Variants in ZNRF1 observed in about 807,000 individuals in gnomAD.
ZNRF1 encodes the protein zinc and ring finger 1.
A neutral mutation model predicts 18.4 loss-of-function variants in ZNRF1; 3 were observed. The ratio of observed to expected loss-of-function variants is 0.16; its 90% CI spans 0.07 to 0.42. The LOEUF is 0.42. Among genes scored for constraint, ZNRF1 ranks in the 10% least tolerant of loss-of-function variants. The probability of loss-of-function intolerance (pLI) is 0.99; values close to 1 mark genes in which losing one functional copy is unlikely to be tolerated. For missense variants in ZNRF1, 310 were observed against 329.8 expected (o/e 0.94, Z 0.47); for synonymous variants, 157 against 144.2 (o/e 1.09, Z -0.64).
chr16:75,027,357 A>T (rs959344735), intron 1 of ZNRF1, among the ~76,000 whole-genome samples: 2 of 152,192 alleles, frequency 1.3e-5, no homozygotes, highest in African/African-American at 4.8e-5. Flanking sequence ...TGGCCATCAA[A>T]AATTGAATTG....
At chr16:75,070,601 C>T (rs1448310498) in intron 1 of ZNRF1, among the ~76,000 whole-genome samples, 1 of 152,162 alleles carries the variant, frequency 6.6e-6, no homozygotes, top group Admixed American at 6.5e-5. Flanking sequence ...AAGCATACAT[C>T]CTGATGCATT....
chr16:75,045,958 A>G (rs2035509822), intron 1 of ZNRF1, among the ~76,000 whole-genome samples: 1 of 151,920 alleles, frequency 6.6e-6, no homozygotes, highest in Admixed American at 6.6e-5. Flanking sequence ...GCTAGAGTAC[A>G]ATGGCACGAT....
chr16:75,022,431 TG>T (rs1048369344), intron 1 of ZNRF1, among the ~76,000 whole-genome samples: 11 of 151,050 alleles, frequency 7.3e-5, no homozygotes, highest in Admixed American at 4.0e-4. Flanking sequence ...CCAGGCATGG[TG>T]GCGGGCACCT....
intron 1 of ZNRF1, among the ~76,000 whole-genome samples, chr16:75,015,537 T>A (rs761875146): frequency 6.6e-6 from 1 of 152,104 alleles, no homozygotes; most frequent in Non-Finnish European, 1.5e-5. Context: ...ATTGCACCAT[T>A]GCACTCCAGC....
intron 1 of ZNRF1, among the ~76,000 whole-genome samples, chr16:75,004,918 A>G (rs568135604): frequency 3.3e-5 from 5 of 152,286 alleles, no homozygotes; most frequent in South Asian, 2.1e-4. Flanking sequence ...GCCTGGCCCA[A>G]CGTGGCTTTT....
Position 75,108,475 on chromosome 16 carries a change from GACTT to G in ZNRF1, c.*779_*782del, listed in dbSNP as rs1597915245. Reference sequence around the variant, plus strand: ...TTTTCAGAAAACTTAAACAAAAAAAGACTTACTAAGAAATATGTACAGCTACCCC... The same window carrying G: ...TTTTCAGAAAACTTAAACAAAAAAAGACTAAGAAATATGTACAGCTACCCC... On this transcript the variant is annotated 3_prime_UTR_variant, in exon 5 of 5. Coordinates refer to ENST00000335325, the MANE Select transcript of ZNRF1 (RefSeq NM_032268.5). The G allele has an allele frequency of 2.5e-6, 1 of 397,102 alleles. No individual in the cohort carries two copies. Among genetic ancestry groups the G allele is most frequent in the Non-Finnish European group, 4.4e-6 (1 of 225,532 alleles). The allele number at this position is 397,102 out of a possible 1,614,324, so 24.6% of individuals were successfully genotyped here.
chr16:75,032,652 G>C (rs545509973), intron 1 of ZNRF1, among the ~76,000 whole-genome samples: 3 of 152,252 alleles, frequency 2.0e-5, no homozygotes, highest in African/African-American at 7.2e-5. Context: ...ATCATGTTCT[G>C]ATAAGGAATT....
intron 1 of ZNRF1, among the ~76,000 whole-genome samples, chr16:75,031,802 A>T (rs926827216): frequency 2.0e-5 from 3 of 152,092 alleles, no homozygotes; most frequent in Admixed American, 2.0e-4. Flanking sequence ...ACACCCGGCT[A>T]TATATACCTA....
intron 1 of ZNRF1, among the ~76,000 whole-genome samples, chr16:75,036,939 A>T (rs2035383645): frequency 6.6e-6 from 1 of 152,152 alleles, no homozygotes; most frequent in African/African-American, 2.4e-5. Flanking sequence ...TTGATTTGGG[A>T]GAGAAGAGAG....
At chr16:75,067,178 G>GT (rs1224452971) in intron 1 of ZNRF1, among the ~76,000 whole-genome samples, 1 of 152,142 alleles carries the variant, frequency 6.6e-6, no homozygotes, top group Non-Finnish European at 1.5e-5. Context: ...TGCCTTCTGG[G>GT]TTACTGCACT....
At chr16:75,033,323 G>T (rs1235054458) in intron 1 of ZNRF1, among the ~76,000 whole-genome samples, 1 of 150,524 alleles carries the variant, frequency 6.6e-6, no homozygotes, top group South Asian at 2.1e-4. Context: ...TGAATTTAAG[G>T]ATAAAATTGA....
At chr16:75,107,517 A>G in intron 4 of ZNRF1, 1 of 338,986 alleles carries the variant, frequency 2.9e-6, no homozygotes, top group Non-Finnish European at 5.9e-6. Flanking sequence ...TCAAAAACTG[A>G]TGACAAGGGG....
intron 1 of ZNRF1, among the ~76,000 whole-genome samples, chr16:75,029,777 C>A (rs929067310): frequency 6.8e-6 from 1 of 147,762 alleles, no homozygotes; most frequent in African/African-American, 2.5e-5. Flanking sequence ...TCAGAACAAA[C>A]AAACAAAAAA....
intron 1 of ZNRF1, among the ~76,000 whole-genome samples, chr16:75,093,111 G>A (rs868047957): frequency 2.0e-5 from 3 of 152,168 alleles, no homozygotes; most frequent in Admixed American, 6.5e-5. Flanking sequence ...GCCACCGGGC[G>A]CGGTGGCTCA....
chr16:75,000,298 G>T, intron 1 of ZNRF1: 1 of 802,156 alleles, frequency 1.2e-6, no homozygotes, highest in Non-Finnish European at 2.1e-6. Flanking sequence ...GGCGATTTAG[G>T]GACTCACGGC....
chr16:75,101,532 G>A (rs557800141), intron 2 of ZNRF1, among the ~76,000 whole-genome samples: 1 of 152,012 alleles, frequency 6.6e-6, no homozygotes, highest in African/African-American at 2.4e-5. Context: ...GCGATAGAGC[G>A]AGACTCCATG....
rs2036337234 is a variant in ZNRF1 at position 75,107,923 on chromosome 16, C to G, written c.*223C>G. On this transcript the variant is annotated 3_prime_UTR_variant, in exon 5 of 5. Coordinates refer to ENST00000335325, the MANE Select transcript of ZNRF1 (RefSeq NM_032268.5). The stretch of plus-strand genomic sequence containing the variant: ...GAATGAATCAACTGCTATCCTTCCC[C>G]TCACCCCTCAGCCCAGGAGGGAAAG... The G allele has an allele frequency of 2.5e-6, 1 of 407,072 alleles. No individual in the cohort carries two copies. Among genetic ancestry groups the G allele is most frequent in the Non-Finnish European group, 5.1e-6 (1 of 197,694 alleles). 25.2% of individuals were successfully genotyped at this position (407,072 alleles called of 1,614,324 possible).
intron 1 of ZNRF1, chr16:75,000,335 C>G (rs764639278): frequency 1.9e-5 from 13 of 695,564 alleles, no homozygotes; most frequent in South Asian, 1.8e-4. Flanking sequence ...AAGGGCAGAG[C>G]GAAGCCTACC....
chr16:75,048,928 T>G (rs1478359232), intron 1 of ZNRF1, among the ~76,000 whole-genome samples: 1 of 152,174 alleles, frequency 6.6e-6, no homozygotes, highest in African/African-American at 2.4e-5. Context: ...TTTCAAGAAA[T>G]TGTTTAGTTA....
Sources: allele counts gnomAD v4.1 joint callset (sites outside exome capture counted in the v4.1 genomes callset), GRCh38; gene constraint gnomAD v4.1.1; transcripts MANE v1.5; gene names NCBI Gene and HGNC (gene_info 2026-07-23, HGNC 2026-07-21).